The following PLAC1 variants were observed in gnomAD, a reference collection of about 807,000 sequenced individuals.
The protein encoded by PLAC1 is placenta-specific protein 1.
For missense variants in PLAC1, 136 were observed against 163.2 expected, an observed-to-expected ratio of 0.83 and a Z score of 0.91; for synonymous variants, 68 against 62.1, an observed-to-expected ratio of 1.09 and a Z score of -0.44.
intron 2 of PLAC1, among the ~76,000 whole-genome samples, chrX:134,700,352 T>C (rs2078578599): frequency 8.9e-6 from 1 of 112,112 alleles, no homozygotes; most frequent in South Asian, 3.7e-4. Flanking sequence ...CTAACTTCTT[T>C]ACTCATTACT....
chrX:134,680,545 GAACTA>G (rs560733130), intron 2 of PLAC1, among the ~76,000 whole-genome samples: 4,533 of 49,663 alleles, frequency 0.091, 132 homozygotes, highest in East Asian at 0.13. Context: ...AAACTAAACT[GAACTA>G]AACTAAACTA....
intron 2 of PLAC1, among the ~76,000 whole-genome samples, chrX:134,668,867 G>A (rs911407597): frequency 1.5e-4 from 17 of 112,813 alleles, no homozygotes; most frequent in Admixed American, 1.0e-3. Context: ...ACCTCCCCCA[G>A]TGAGCAAGTA....
At chrX:134,731,572 A>T (rs2078688941) in intron 2 of PLAC1, among the ~76,000 whole-genome samples, 1 of 112,029 alleles carries the variant, frequency 8.9e-6, no homozygotes, top group African/African-American at 3.2e-5. Context: ...CCTAGCTGGA[A>T]CTTCATGAAT....
chrX:134,635,704 T>G (rs1196366810), intron 1 of PLAC1, among the ~76,000 whole-genome samples: 1 of 111,541 alleles, frequency 9.0e-6, no homozygotes, highest in Non-Finnish European at 1.9e-5. Flanking sequence ...ATCCCCTCAC[T>G]GCACCTCACC....
intron 2 of PLAC1, among the ~76,000 whole-genome samples, chrX:134,580,595 T>C (rs2077969243): frequency 9.0e-6 from 1 of 111,656 alleles, no homozygotes; most frequent in Non-Finnish European, 1.9e-5. Context: ...CGGTTGTTTA[T>C]GGGTATCAGA....
chrX:134,567,868 A>G (rs1033136929), intron 2 of PLAC1, among the ~76,000 whole-genome samples: 29 of 110,530 alleles, frequency 2.6e-4, no homozygotes, highest in South Asian at 7.8e-4. Context: ...TACTTTACAC[A>G]TTGATTGACA....
At chrX:134,735,056 T>C (rs965816361) in intron 1 of PLAC1, among the ~76,000 whole-genome samples, 1 of 112,108 alleles carries the variant, frequency 8.9e-6, no homozygotes, top group Admixed American at 9.4e-5. Context: ...TTTACTAATT[T>C]CCAGGACTGG....
chrX:134,708,017 T>C (rs1239032155), intron 2 of PLAC1, among the ~76,000 whole-genome samples: 1 of 111,518 alleles, frequency 9.0e-6, no homozygotes, highest in Non-Finnish European at 1.9e-5. Flanking sequence ...AATAGAATTC[T>C]AAAAAATATT....
At chrX:134,659,472 C>T (rs976512389), upstream of PLAC1, among the ~76,000 whole-genome samples, 4 of 110,891 alleles carry the variant, frequency 3.6e-5, no homozygotes, top group East Asian at 2.8e-4. Context: ...AGGGTGGGAA[C>T]GGGAGTGGAA....
At chrX:134,669,236 A>G (rs1474194070) in intron 2 of PLAC1, among the ~76,000 whole-genome samples, 1 of 112,043 alleles carries the variant, frequency 8.9e-6, no homozygotes, top group Non-Finnish European at 1.9e-5. Flanking sequence ...CTGAGAATTC[A>G]GGGATGATTT....
intron 2 of PLAC1, among the ~76,000 whole-genome samples, chrX:134,682,052 A>G (rs1239681419): frequency 8.9e-6 from 1 of 112,007 alleles, no homozygotes; most frequent in East Asian, 2.8e-4. Context: ...GGGGAAAAAG[A>G]TAGTTTTATA....
intron 2 of PLAC1, among the ~76,000 whole-genome samples, chrX:134,574,920 T>C (rs1221711699): frequency 9.0e-6 from 1 of 111,625 alleles, no homozygotes; most frequent in East Asian, 2.8e-4. Context: ...AAGGATTCCC[T>C]TAGCTAGAAA....
intron 2 of PLAC1, among the ~76,000 whole-genome samples, chrX:134,716,850 A>G (rs765211545): frequency 3.2e-4 from 36 of 112,645 alleles, no homozygotes; most frequent in Middle Eastern, 4.6e-3. Flanking sequence ...TGACCTTGAG[A>G]AAGTTTACTT....
At chrX:134,629,756 G>A (rs756890875) in intron 1 of PLAC1, among the ~76,000 whole-genome samples, 1 of 110,558 alleles carries the variant, frequency 9.0e-6, no homozygotes, top group Non-Finnish European at 1.9e-5. Flanking sequence ...CTTCATGAAG[G>A]CCACCCCAGA....
chrX:134,628,534 G>A (rs2078246507), intron 1 of PLAC1, among the ~76,000 whole-genome samples: 1 of 111,780 alleles, frequency 8.9e-6, no homozygotes, highest in African/African-American at 3.3e-5. Flanking sequence ...CCTTCTTTGT[G>A]GCTGCCTGTT....
chrX:134,589,345 G>T (rs1253694857), intron 2 of PLAC1, among the ~76,000 whole-genome samples: 5 of 111,282 alleles, frequency 4.5e-5, no homozygotes, highest in African/African-American at 9.8e-5. Context: ...GGGATATTTT[G>T]TGGGTGGAAA....
chrX:134,664,093 G>C (rs1431293750), intron 2 of PLAC1, among the ~76,000 whole-genome samples: 2 of 111,676 alleles, frequency 1.8e-5, no homozygotes, highest in Non-Finnish European at 3.8e-5. Flanking sequence ...GCTTTCTCTG[G>C]CAGTGGAATT....
intron 2 of PLAC1, among the ~76,000 whole-genome samples, chrX:134,676,550 C>A (rs781087020): frequency 8.9e-6 from 1 of 112,173 alleles, no homozygotes; most frequent in African/African-American, 3.2e-5. Context: ...CCCTGACAAC[C>A]AGTGCTGACA....
intron 2 of PLAC1, among the ~76,000 whole-genome samples, chrX:134,581,046 A>T (rs984683354): frequency 8.9e-6 from 1 of 111,841 alleles, no homozygotes; most frequent in Non-Finnish European, 1.9e-5. Flanking sequence ...GGAGAATCAC[A>T]TATTCCTGAT....
Sources: gnomAD v4.1 joint callset for allele counts (sites outside exome capture counted in the v4.1 genomes callset) on GRCh38, gnomAD v4.1.1 for gene constraint, MANE v1.5 for transcripts, NCBI Gene and HGNC (gene_info 2026-07-23, HGNC 2026-07-21) for gene names.